Variants in PPARA observed in about 807,000 individuals in gnomAD.
PPARA encodes the protein peroxisome proliferator activated receptor alpha, also known as peroxisome proliferator-activated receptor alpha.
In PPARA, 22 loss-of-function variants were observed where a neutral mutation model predicts 42.2. The ratio of observed to expected loss-of-function variants is 0.52; its 90% CI spans 0.37 to 0.74. The LOEUF is 0.74. Among genes scored for constraint, PPARA ranks in the 30% least tolerant of loss-of-function variants. PPARA has a pLI of 0.00. For missense variants in PPARA, 465 were observed against 608.2 expected (o/e 0.76, Z 2.48); for synonymous variants, 242 against 239.3 (o/e 1.01, Z -0.10).
In PPARA at chr22:46,203,320, AG is replaced by A. The variant is rs145636784; in HGVS notation, c.208+4730del. Among the ~76,000 whole-genome samples, 826 of 152,320 alleles carry A rather than the reference AG, an allele frequency of 5.4e-3. 7 individuals carry two copies. Among genetic ancestry groups the A allele is most frequent in the African/African-American group, 0.018 (760 of 41,588 alleles). On this transcript the variant is annotated intron_variant, in intron 4 of 8. Coordinates refer to ENST00000407236, the MANE Select transcript of PPARA (RefSeq NM_005036.6). This position sits in a 1 kb window ranked among gnomAD's most constrained non-coding sequence, Gnocchi z 5.8. ...CTCAGAAGAGCCGGATATTAAATGC[AG>A]TACTTTAAACTTTACACCCAGGAGA...
At chr22:46,172,945 C>G (rs1437383978) in intron 2 of PPARA, among the ~76,000 whole-genome samples, 1 of 152,156 alleles carries the variant, frequency 6.6e-6, no homozygotes, top group Non-Finnish European at 1.5e-5. Flanking sequence ...ACTAGATTTC[C>G]TGTTCTGTCT....
rs116063870 is a variant in PPARA, at chr22:46,196,195, C to T, written c.-42-2147C>T. On this transcript the variant is annotated intron_variant, in intron 3 of 8. Coordinates refer to ENST00000407236, the MANE Select transcript of PPARA (RefSeq NM_005036.6). This position sits in a 1 kb window ranked among gnomAD's most constrained non-coding sequence, Gnocchi z 5.6. ...TGTTTCAGCGAGAGCATGATACAGA[C>T]TAACCCAGGAAGAACCGCTGCTTTG... Among the ~76,000 whole-genome samples the T allele has an allele frequency of 5.5e-3, 841 of 152,304 alleles. 8 individuals are homozygous for T. Among genetic ancestry groups the T allele is most frequent in the African/African-American group, 0.02 (815 of 41,552 alleles).
At chr22:46,176,448 T>G (rs1929075364) in intron 2 of PPARA, among the ~76,000 whole-genome samples, 1 of 152,220 alleles carries the variant, frequency 6.6e-6, no homozygotes, top group Non-Finnish European at 1.5e-5. Context: ...ATCATGCCAC[T>G]GCACTCCAGC....
rs2147442812 is a variant in PPARA at position 46,204,786 on chromosome 22, AT to A, written c.208+6199del. On this transcript the variant is annotated intron_variant, in intron 4 of 8. Coordinates refer to ENST00000407236, the MANE Select transcript of PPARA (RefSeq NM_005036.6). This position sits in a 1 kb window ranked among gnomAD's most constrained non-coding sequence, Gnocchi z 5.2. ...TTTATCAGACATGTGATCTACAAAT[AT>A]TTTCCCCAGTGTGTGGTTTGTCTTT... is the stretch of plus-strand genomic sequence containing the variant. 6.6e-6 allele frequency among the ~76,000 whole-genome samples: 1 copy of A among 151,472 alleles called. No individual in the cohort carries two copies.
chr22:46,197,840 G>T (rs1932464841), intron 3 of PPARA, among the ~76,000 whole-genome samples: 1 of 150,978 alleles, frequency 6.6e-6, no homozygotes, highest in Non-Finnish European at 1.5e-5. Flanking sequence ...GGAGGTGGAG[G>T]TTGCAGTGAG....
At position 46,219,858 on chromosome 22, in the gene PPARA, A is replaced by G; in HGVS notation, c.555A>G (p.Lys185=). 6.2e-7 allele frequency: 1 copy of G among 1,614,228 alleles called. No individual in the cohort carries two copies. Among genetic ancestry groups the G allele is most frequent in the African/African-American group, 1.3e-5 (1 of 75,058 alleles). ...CAAGATCTGAGAAAGCAAAACTGAA[A>G]GCAGAAATTCTTACCTGTGAACATG... The part of the protein sequence containing the change: ...RMPRSEKAKL[K]AEILTCEHDI... Residue 185 remains lysine (K), a synonymous_variant, in exon 7 of 9, where the codon AAA becomes AAG. Transcript: ENST00000407236. This position sits in a 1 kb window ranked among gnomAD's most constrained non-coding sequence, Gnocchi z 4.8.
chr22:46,214,208 C>A (rs984827481), intron 4 of PPARA, among the ~76,000 whole-genome samples: 1 of 152,156 alleles, frequency 6.6e-6, no homozygotes, highest in African/African-American at 2.4e-5. Flanking sequence ...CATGGGGAGT[C>A]CTGCAGGGTG....
intron 3 of PPARA, among the ~76,000 whole-genome samples, chr22:46,197,207 A>G (rs5766696): frequency 0.28 from 43,094 of 151,446 alleles, 6,737 homozygotes; most frequent in African/African-American, 0.42. Flanking sequence ...ATGCCACCAC[A>G]CCCAGCTAAT....
rs113579358 is a variant in PPARA, at chr22:46,189,739, C to G, written c.-42-8603C>G. Among the ~76,000 whole-genome samples the G allele has an allele frequency of 5.2e-3, 776 of 150,288 alleles. 10 individuals are homozygous for G. The highest frequency in any genetic ancestry group is 0.018 in the African/African-American group (750 of 40,774). ...TTTTTTTTTTTGAGACAGAGTCTTG[C>G]TCTGTCACCAGGCTGGAGTGCAGTG... On this transcript the variant is annotated intron_variant, in intron 3 of 8. Coordinates refer to ENST00000407236, the MANE Select transcript of PPARA (RefSeq NM_005036.6).
At chr22:46,229,912 G>A (rs972039231) in intron 7 of PPARA, among the ~76,000 whole-genome samples, 6 of 152,122 alleles carry the variant, frequency 3.9e-5, no homozygotes, top group Non-Finnish European at 7.3e-5. Context: ...CACCTCCACC[G>A]GTGCCCTGAA....
intron 2 of PPARA, among the ~76,000 whole-genome samples, chr22:46,174,290 A>G (rs1008553596): frequency 2.8e-4 from 4 of 14,216 alleles, no homozygotes; most frequent in African/African-American, 1.2e-3. Context: ...ATGATAAAGC[A>G]GATGGTTAAG....
rs1471409166 is a variant in PPARA at position 46,156,543 on chromosome 22, G to A, written c.-127+4573G>A. On this transcript the variant is annotated intron_variant, in intron 2 of 8. Transcript: ENST00000407236. This position sits in a 1 kb window ranked among gnomAD's most constrained non-coding sequence, Gnocchi z 5.2. ...ATACACCAAAACTGGTTTTCATTTT[G>A]GAATATAAAAGTGAGATTTCTCCAC... is the stretch of plus-strand genomic sequence containing the variant. 1 of 152,114 alleles carries A rather than the reference G, an allele frequency of 6.6e-6. No homozygotes were observed. The highest frequency in any genetic ancestry group is 1.5e-5 in the Non-Finnish European group (1 of 68,010). The allele number at this position is 152,114 out of a possible 1,614,324, so 9.4% of individuals were successfully genotyped here.
intron 4 of PPARA, among the ~76,000 whole-genome samples, chr22:46,208,319 G>A (rs557693762): frequency 4.6e-5 from 7 of 152,100 alleles, no homozygotes; most frequent in Admixed American, 6.6e-5. Context: ...AGGCCGAGGC[G>A]AGTGGATCAC....
In PPARA at chr22:46,165,300, G is replaced by C. The variant is rs921286819; in HGVS notation, c.-126-11453G>C. The C allele has an allele frequency of 1.3e-5, 2 of 152,340 alleles. No individual in the cohort carries two copies. The highest frequency in any genetic ancestry group is 4.8e-5 in the African/African-American group (2 of 41,456). The allele number at this position is 152,340 out of a possible 1,614,324, so 9.4% of individuals were successfully genotyped here. On this transcript the variant is annotated intron_variant, in intron 2 of 8. Coordinates refer to ENST00000407236, the MANE Select transcript of PPARA (RefSeq NM_005036.6). The surrounding 1 kb of genome is among the most constrained non-coding windows in gnomAD (Gnocchi z 5.5). ...ATCCGCCTGCCCTTGGCCTCCCAAAGTGCTGGGATTACAGGTGTGAGCCAC... is the reference window on the plus strand; with the variant it reads ...ATCCGCCTGCCCTTGGCCTCCCAAACTGCTGGGATTACAGGTGTGAGCCAC...
At position 46,219,772 on chromosome 22, in the gene PPARA, C is replaced by T. The variant is rs1451852973; in HGVS notation, c.509-40C>T. ...TCCAGCCCTGTCCGCGCAGTCATGACCTCACTGCTCATGCCTGTGTTTCCC... is the reference window on the plus strand; with the variant it reads ...TCCAGCCCTGTCCGCGCAGTCATGATCTCACTGCTCATGCCTGTGTTTCCC... On this transcript the variant is annotated intron_variant, in intron 6 of 8. Transcript: ENST00000407236. The surrounding 1 kb of genome is among the most constrained non-coding windows in gnomAD (Gnocchi z 4.8). The T allele has an allele frequency of 6.3e-7, 1 of 1,598,410 alleles. No homozygotes were observed. The highest frequency in any genetic ancestry group is 1.1e-5 in the South Asian group (1 of 90,562).
chr22:46,207,665 A>AT (rs1569228083), intron 4 of PPARA, among the ~76,000 whole-genome samples: 4 of 83,958 alleles, frequency 4.8e-5, no homozygotes, highest in African/African-American at 1.5e-4. Context: ...TATTATTATT[A>AT]TTATTATTAT....
chr22:46,157,378 C>G (rs1925469697), intron 2 of PPARA, among the ~76,000 whole-genome samples: 1 of 152,120 alleles, frequency 6.6e-6, no homozygotes, highest in South Asian at 2.1e-4. Context: ...CCGCTCCATC[C>G]CACCGCAGCG....
intron 4 of PPARA, among the ~76,000 whole-genome samples, chr22:46,199,372 C>A (rs193175519): frequency 6.6e-6 from 1 of 152,134 alleles, no homozygotes; most frequent in Non-Finnish European, 1.5e-5. Context: ...GTGGCTCACG[C>A]CTATAATCCC....
At chr22:46,178,514 C>T (rs1929497349) in intron 3 of PPARA, among the ~76,000 whole-genome samples, 1 of 152,078 alleles carries the variant, frequency 6.6e-6, no homozygotes, top group Non-Finnish European at 1.5e-5. Flanking sequence ...TGGCAGACTT[C>T]CTCAGTTGAC....
Sources: allele counts gnomAD v4.1 joint callset (sites outside exome capture counted in the v4.1 genomes callset), GRCh38; gene constraint gnomAD v4.1.1; non-coding constraint Gnocchi (gnomAD v3.1); transcripts MANE v1.5; gene names NCBI Gene and HGNC (gene_info 2026-07-23, HGNC 2026-07-21).